SBF1: variants seen among roughly 807,000 people sequenced by gnomAD.
SBF1 encodes myotubularin-related protein 5.
A neutral mutation model predicts 215.8 loss-of-function variants in SBF1; 65 were observed. The ratio of observed to expected loss-of-function variants is 0.30; its 90% CI spans 0.25 to 0.37. The LOEUF is 0.37. Ranked by LOEUF, SBF1 falls within the 10% of genes least tolerant of loss-of-function variation. The probability of loss-of-function intolerance (pLI) is 1.00; values close to 1 mark genes in which losing one functional copy is unlikely to be tolerated. For synonymous variants in SBF1, 1,410 were observed against 1,122.8 expected (o/e 1.26, Z -5.11); for missense variants, 2,634 against 2,667.8 (o/e 0.99, Z 0.28).
rs983165358 is a variant in SBF1, at chr22:50,468,267, C to T, written c.141+109G>A. The T allele has an allele frequency of 3.7e-6, 4 of 1,076,498 alleles. No individual in the cohort carries two copies. The African/African-American group carries it at 6.3e-5, about 17-fold the overall frequency. The allele number at this position is 1,076,498 out of a possible 1,614,324, so 66.7% of individuals were successfully genotyped here. The stretch of plus-strand genomic sequence containing the variant: ...AGGCTCTGCTGTCTTGTCCCTAGCC[C>T]AGCGGGGGGCCGGGCACTGTGGAGG... On this transcript the variant is annotated intron_variant, in intron 2 of 40. Coordinates refer to ENST00000380817, the MANE Select transcript of SBF1 (RefSeq NM_002972.4).
At chr22:50,472,949 C>T (rs2068045873) in intron 1 of SBF1, among the ~76,000 whole-genome samples, 1 of 152,196 alleles carries the variant, frequency 6.6e-6, no homozygotes, top group Admixed American at 6.5e-5. Flanking sequence ...GACCACTTAT[C>T]ACTCCTTCCG....
In SBF1 at chr22:50,447,172, G is replaced by A; in HGVS notation, c.5652C>T (p.Asp1884=). 6.8e-6 allele frequency: 11 copies of A among 1,613,188 alleles called. No homozygotes were observed. The highest frequency in any genetic ancestry group is 9.3e-6 in the Non-Finnish European group (11 of 1,179,914). Residue 1884 remains aspartate, a synonymous_variant, in exon 41 of 41, where the codon GAC becomes GAT. Transcript: ENST00000380817. ...QDVPSAQQWV[D]RIQSCLSDA Reference sequence around the variant, plus strand: ...CGTCCGACAGGCAGCTCTGGATCCGGTCCACCCACTGCTGGGCCGAGGGCA... The same window carrying A: ...CGTCCGACAGGCAGCTCTGGATCCGATCCACCCACTGCTGGGCCGAGGGCA...
chr22:50,454,371 G>A (rs1313440905), intron 36 of SBF1, 141 bp downstream of exon 36: 3 of 717,396 alleles, frequency 4.2e-6, no homozygotes, highest in Non-Finnish European at 7.0e-6. Flanking sequence ...TCACATGGTG[G>A]GGAGACGGCA....
In SBF1 at chr22:50,447,024, G is replaced by A. The variant is rs969575750; in HGVS notation, c.*118C>T. On this transcript the variant is annotated 3_prime_UTR_variant, in exon 41 of 41. Transcript: ENST00000380817. ...CGGGGGCTGTACACACAAGTGCTGG[G>A]GGCTCGGGGCCTCAATACTGTCGAG... The A allele has an allele frequency of 4.5e-5, 40 of 896,100 alleles. No individual in the cohort carries two copies. Among genetic ancestry groups the A allele is most frequent in the Admixed American group, 6.4e-5 (3 of 47,106 alleles). The allele number at this position is 896,100 out of a possible 1,614,324, so 55.5% of individuals were successfully genotyped here.
intron 21 of SBF1, 28 bp from the exon 22 acceptor site, chr22:50,461,746 G>C (rs2067522499): frequency 6.2e-7 from 1 of 1,610,186 alleles, no homozygotes; most frequent in South Asian, 1.1e-5. Context: ...CAGGAGCTCA[G>C]GATGCAGCCC....
intron 17 of SBF1, 45 bp downstream of exon 17, chr22:50,462,825 G>A (rs1282190204): frequency 3.1e-6 from 5 of 1,605,600 alleles, no homozygotes; most frequent in Admixed American, 1.7e-5. Flanking sequence ...TCAGCCACCA[G>A]GAAGGGGGGG....
In SBF1 at chr22:50,465,759, C is replaced by G; in HGVS notation, c.1089+4G>C. On this transcript the variant is annotated splice_donor_region_variant and intron_variant, in intron 10 of 40. Transcript: ENST00000380817. ...CCCCATGCAGGAGCAGCAACGACCC[C>G]CACCTGCATCTTCAGGGAGGAGGTG... The G allele has an allele frequency of 6.3e-7, 1 of 1,599,570 alleles. No individual in the cohort carries two copies. The highest frequency in any genetic ancestry group is 2.1e-4 in the Middle Eastern group (1 of 4,786).
chr22:50,455,681 G>T, intron 31 of SBF1, 99 bp from the exon 32 acceptor site: 1 of 985,606 alleles, frequency 1.0e-6, no homozygotes. Context: ...CAGCGGGGAG[G>T]CAGGCCCTGT....
intron 23 of SBF1, 127 bp from the exon 24 acceptor site, chr22:50,460,839 C>T: frequency 9.3e-7 from 1 of 1,076,782 alleles, no homozygotes; most frequent in Non-Finnish European, 1.3e-6. Context: ...CAGGCAAAGG[C>T]CTGTATCTGT....
At chr22:50,451,835 C>T (rs191376785) in intron 36 of SBF1, among the ~76,000 whole-genome samples, 21 of 147,812 alleles carry the variant, frequency 1.4e-4, no homozygotes, top group Admixed American at 1.0e-3. Context: ...TCACTCATGT[C>T]GCCCAGGCTG....
At chr22:50,453,944 G>C (rs145139031) in intron 36 of SBF1, among the ~76,000 whole-genome samples, 1 of 151,774 alleles carries the variant, frequency 6.6e-6, no homozygotes, top group Non-Finnish European at 1.5e-5. Context: ...CCACGCGCAG[G>C]ACACTGCCTC....
chr22:50,474,727 C>G, intron 1 of SBF1, 59 bp downstream of exon 1: 4 of 1,397,984 alleles, frequency 2.9e-6, no homozygotes, highest in Non-Finnish European at 3.8e-6. Context: ...GACCCAGCCC[C>G]TGGCCCTCAG....
chr22:50,462,104 C>T lies in SBF1; in HGVS notation c.2412G>A (p.Val804=). ...SLVTNSMAGS[V]AESYDTESGF... The stretch of plus-strand genomic sequence containing the variant: ...CGCTCTCCGTGTCATAGCTCTCGGC[C>T]ACACTGCCAGCCATGCTGGGCCAGA... The change falls in exon 20 of 41, where the codon GTG becomes GTA. Residue 804 remains valine, a synonymous_variant. Coordinates refer to ENST00000380817, the MANE Select transcript of SBF1 (RefSeq NM_002972.4). 6.2e-7 allele frequency: 1 copy of T among 1,613,706 alleles called. No individual in the cohort carries two copies. The highest frequency in any genetic ancestry group is 8.5e-7 in the Non-Finnish European group (1 of 1,180,040).
rs377462059 is a variant in SBF1, at chr22:50,464,446, G to A, written c.1637-5C>T. ...TGCACCGCTCCAGTATGGCAGCTGC[G>A]GGGACAGAATACACACACTCGGACC... On this transcript the variant is annotated splice_region_variant and splice_polypyrimidine_tract_variant and intron_variant, in intron 14 of 40. Transcript: ENST00000380817. 79 of 1,612,546 alleles carry A rather than the reference G, an allele frequency of 4.9e-5. No individual in the cohort carries two copies. The highest frequency in any genetic ancestry group is 4.0e-4 in the African/African-American group (30 of 74,952).
intron 10 of SBF1, 32 bp downstream of exon 10, chr22:50,465,731 G>T: frequency 1.3e-6 from 2 of 1,565,146 alleles, no homozygotes; most frequent in Non-Finnish European, 1.7e-6. Context: ...AAGTGCCTGG[G>T]GTCCCCATGC....
In SBF1 at chr22:50,464,987, G is replaced by A. The variant is rs569816382; in HGVS notation, c.1332+14C>T. 1 of 1,613,950 alleles carries A rather than the reference G, an allele frequency of 6.2e-7. No individual in the cohort carries two copies. Among genetic ancestry groups the A allele is most frequent in the African/African-American group, 1.3e-5 (1 of 75,026 alleles). On this transcript the variant is annotated intron_variant, in intron 12 of 40. Transcript: ENST00000380817. Reference sequence around the variant, plus strand: ...GCCAGGGCAGGGGGCTGGGAGGGCAGGGTGGAGGTGCACCTCATCGAACAG... The same window carrying A: ...GCCAGGGCAGGGGGCTGGGAGGGCAAGGTGGAGGTGCACCTCATCGAACAG...
chr22:50,465,281 C>T lies in SBF1; in HGVS notation c.1137G>A (p.Leu379=), dbSNP rs1163683159. The change falls in exon 11 of 41, where the codon CTG becomes CTA. Residue 379 remains leucine, a synonymous_variant. Coordinates refer to ENST00000380817, the MANE Select transcript of SBF1 (RefSeq NM_002972.4). ...AVFLRLFAQL[L]QGYRWCLHVV... is the part of the protein sequence containing the mutation. Reference sequence around the variant, plus strand: ...CGTGCAGGCACCAGCGATAGCCCTGCAGCAGCTGAGCGAACAGCCGCAGGA... The same window carrying T: ...CGTGCAGGCACCAGCGATAGCCCTGTAGCAGCTGAGCGAACAGCCGCAGGA... 2 of 1,609,790 alleles carry T rather than the reference C, an allele frequency of 1.2e-6. No individual in the cohort carries two copies. Among genetic ancestry groups the T allele is most frequent in the South Asian group, 2.2e-5 (2 of 90,400 alleles).
intron 37 of SBF1, 29 bp downstream of exon 37, chr22:50,448,514 C>T (rs766468828): frequency 4.3e-6 from 7 of 1,609,756 alleles, no homozygotes; most frequent in African/African-American, 2.7e-5. Flanking sequence ...ACACGCCCAC[C>T]GTGGACGCTC....
intron 22 of SBF1, 49 bp from the exon 23 acceptor site, chr22:50,461,335 G>A: frequency 2.6e-6 from 4 of 1,563,964 alleles, no homozygotes; most frequent in African/African-American, 1.4e-5. Context: ...AAGGGGGGGG[G>A]GGTCCCAGAA....
Sources: gnomAD v4.1 joint callset for allele counts (sites outside exome capture counted in the v4.1 genomes callset) on GRCh38, gnomAD v4.1.1 for gene constraint, MANE v1.5 for transcripts, NCBI Gene and HGNC (gene_info 2026-07-23, HGNC 2026-07-21) for gene names.